The following C3orf49 variants were observed in gnomAD, a reference collection of about 807,000 sequenced individuals.
The protein encoded by C3orf49 is putative uncharacterized protein C3orf49.
In C3orf49, 27 loss-of-function variants were observed where a neutral mutation model predicts 13.3. The ratio of observed to expected loss-of-function variants is 2.02; its 90% CI spans 1.49 to 2.79. The LOEUF (loss-of-function observed/expected upper bound fraction) is 2.79, where lower values mean the gene tolerates loss of function less well. C3orf49 is among the 30% of genes most tolerant of loss of function. The pLI is 0.00. For synonymous variants in C3orf49, 87 were observed against 47.6 expected (o/e 1.83, Z -3.40); for missense variants, 242 against 134.2 (o/e 1.80, Z -3.97).
At chr3:63,817,650 C>T (rs1409005145), upstream of C3orf49, among the ~76,000 whole-genome samples, 6 of 152,050 alleles carry the variant, frequency 3.9e-5, no homozygotes, top group Non-Finnish European at 4.4e-5. Context: ...TCTCTCTATA[C>T]TCTAACTCTT....
chr3:63,835,010 A>C, intron 5 of C3orf49: 1 of 721,310 alleles, frequency 1.4e-6, no homozygotes, highest in South Asian at 2.4e-5. Flanking sequence ...AAAGTTGAAC[A>C]TGAGTACCTT....
At chr3:63,819,268 T>C (rs182701934), upstream of C3orf49, 6 of 515,280 alleles carry the variant, frequency 1.2e-5, no homozygotes, top group East Asian at 6.3e-5. Context: ...CTCTGTGAAG[T>C]TGTAAACAGG....
Position 63,834,151 on chromosome 3 carries a change from T to G in C3orf49, c.849+2307T>G, listed in dbSNP as rs763624919. Reference sequence around the variant, plus strand: ...GCCTGTCTATGGCTTAGGATCTGTTTCCATGCTTGCTTCCTGAGCTTCTTC... The same window carrying G: ...GCCTGTCTATGGCTTAGGATCTGTTGCCATGCTTGCTTCCTGAGCTTCTTC... On this transcript the variant is annotated intron_variant, in intron 5 of 6. Coordinates refer to ENST00000295896, the MANE Select transcript of C3orf49 (RefSeq NM_001355236.2). 6 of 1,614,126 alleles carry G rather than the reference T, an allele frequency of 3.7e-6. No individual in the cohort carries two copies. The South Asian group carries it at 5.5e-5, about 15-fold the overall frequency.
At chr3:63,801,988 T>C in the C3orf49 span, among the ~76,000 whole-genome samples, 2 of 152,192 alleles carry the variant, frequency 1.3e-5, no homozygotes, top group Non-Finnish European at 2.9e-5. Context: ...TTCTTTACAC[T>C]GGGAGAAAAC....
the C3orf49 span, among the ~76,000 whole-genome samples, chr3:63,795,937 A>T: frequency 6.6e-6 from 1 of 152,150 alleles, no homozygotes; most frequent in Non-Finnish European, 1.5e-5. Flanking sequence ...GCAAACTGCC[A>T]ACGTGTTTAG....
chr3:63,837,358 T>C (rs1701656936), intron 5 of C3orf49, among the ~76,000 whole-genome samples: 2 of 152,040 alleles, frequency 1.3e-5, no homozygotes, highest in Admixed American at 1.3e-4. Flanking sequence ...TTTACTTTTC[T>C]TCAATTTACA....
chr3:63,819,723 G>A, intron 1 of C3orf49, 127 bp downstream of exon 1: 1 of 595,078 alleles, frequency 1.7e-6, no homozygotes, highest in South Asian at 2.1e-5. Context: ...GTACTGCGTT[G>A]GATCAAGAAA....
chr3:63,835,994 CTG>C (rs1248124542), intron 5 of C3orf49, among the ~76,000 whole-genome samples: 1 of 151,814 alleles, frequency 6.6e-6, no homozygotes, highest in Non-Finnish European at 1.5e-5. Flanking sequence ...GTTTTGAGAG[CTG>C]TGTTTTAAAA....
chr3:63,781,046 A>C, the C3orf49 span, among the ~76,000 whole-genome samples: 1 of 150,766 alleles, frequency 6.6e-6, no homozygotes, highest in African/African-American at 2.4e-5. Context: ...TTGGTGTTTT[A>C]GACATGAAGT....
At chr3:63,787,956 T>C in the C3orf49 span, among the ~76,000 whole-genome samples, 2 of 152,240 alleles carry the variant, frequency 1.3e-5, no homozygotes, top group African/African-American at 4.8e-5. Flanking sequence ...TGTTCATGAC[T>C]ATTTGCTTTT....
At chr3:63,818,392 C>T (rs572067648), upstream of C3orf49, among the ~76,000 whole-genome samples, 242 of 152,254 alleles carry the variant, frequency 1.6e-3, no homozygotes, top group Middle Eastern at 3.4e-3. Flanking sequence ...AGCTCTTTTC[C>T]CCAGTACTGA....
chr3:63,792,732 A>G, the C3orf49 span, among the ~76,000 whole-genome samples: 3 of 152,230 alleles, frequency 2.0e-5, no homozygotes, highest in African/African-American at 7.2e-5. Flanking sequence ...CAGGACCACA[A>G]ACCGATTAGG....
At chr3:63,830,743 A>G (rs1701521848) in intron 3 of C3orf49, among the ~76,000 whole-genome samples, 1 of 152,182 alleles carries the variant, frequency 6.6e-6, no homozygotes, top group African/African-American at 2.4e-5. Flanking sequence ...GATCCACGAT[A>G]ATGAGCTTTC....
chr3:63,839,530 T>G (rs932552908), intron 5 of C3orf49: 7 of 796,984 alleles, frequency 8.8e-6, no homozygotes, highest in Non-Finnish European at 1.3e-5. Flanking sequence ...TACTCTTGGT[T>G]AATTAAGAGT....
intron 3 of C3orf49, among the ~76,000 whole-genome samples, chr3:63,828,445 G>A (rs983288305): frequency 1.1e-4 from 17 of 152,192 alleles, no homozygotes; most frequent in Middle Eastern, 3.4e-3. Flanking sequence ...GACTACAGGC[G>A]TGCACAACCA....
At chr3:63,843,568 T>C (rs899861339) in intron 5 of C3orf49, among the ~76,000 whole-genome samples, 1 of 152,110 alleles carries the variant, frequency 6.6e-6, no homozygotes, top group African/African-American at 2.4e-5. Flanking sequence ...AGCCAAGGTA[T>C]GGAATCAATT....
chr3:63,810,519 A>G, the C3orf49 span, among the ~76,000 whole-genome samples: 1 of 152,212 alleles, frequency 6.6e-6, no homozygotes, highest in Non-Finnish European at 1.5e-5. Context: ...CCTATGGGTC[A>G]AGACCTTATT....
the C3orf49 span, among the ~76,000 whole-genome samples, chr3:63,800,235 C>T: frequency 6.6e-6 from 1 of 152,118 alleles, no homozygotes; most frequent in Non-Finnish European, 1.5e-5. Flanking sequence ...CATAAATTAC[C>T]TCCAAAACGG....
intron 2 of C3orf49, among the ~76,000 whole-genome samples, chr3:63,824,043 C>T (rs910508700): frequency 9.9e-5 from 15 of 152,012 alleles, no homozygotes; most frequent in South Asian, 6.2e-4. Flanking sequence ...TCAGGTGATC[C>T]GTTCGCCTCG....
Sources: gnomAD v4.1 joint callset for allele counts (sites outside exome capture counted in the v4.1 genomes callset) on GRCh38, gnomAD v4.1.1 for gene constraint, MANE v1.5 for transcripts, NCBI Gene and HGNC (gene_info 2026-07-23, HGNC 2026-07-21) for gene names.